The following SMAD5 variants were observed in gnomAD, a reference collection of about 807,000 sequenced individuals.
The protein encoded by SMAD5 is SMAD family member 5, also known as MAD, mothers against decapentaplegic homolog 5.
In SMAD5, 9 loss-of-function variants were observed where a neutral mutation model predicts 43.1. That is an observed-to-expected ratio of 0.21 (90% CI 0.13 to 0.36). The LOEUF (loss-of-function observed/expected upper bound fraction) is 0.36. Among genes scored for constraint, SMAD5 ranks in the 10% least tolerant of loss-of-function variants. The pLI, the probability that SMAD5 is intolerant of heterozygous loss-of-function variation, is 1.00. For missense variants in SMAD5, 348 were observed against 574.0 expected (o/e 0.61, Z 4.02); for synonymous variants, 190 against 192.4 (o/e 0.99, Z 0.10).
Position 136,160,864 on chromosome 5 carries a change from C to G in SMAD5, c.412C>G (p.Pro138Ala), listed in dbSNP as rs1465348620. 6 of 1,613,600 alleles carry G rather than the reference C, an allele frequency of 3.7e-6. No individual in the cohort carries two copies. The highest frequency in any genetic ancestry group is 5.1e-6 in the Non-Finnish European group (6 of 1,179,714). The change falls in exon 4 of 8, where the codon CCA (proline) becomes GCA (alanine). Residue 138 changes from proline (P) to alanine (A), a missense_variant. Coordinates refer to ENST00000545279, the MANE Select transcript of SMAD5 (RefSeq NM_005903.7). ...TGATTTTTGTTTTTCAGTCTTACCT[C>G]CAGTATTAGTGCCTCGTCATAATGA... ...YKRVESPVLP[P>A]VLVPRHNEFN...
intron 3 of SMAD5, among the ~76,000 whole-genome samples, chr5:136,155,417 C>T (rs1753602709): frequency 6.6e-6 from 1 of 152,222 alleles, no homozygotes; most frequent in Admixed American, 6.5e-5. Flanking sequence ...ACATCATCAT[C>T]ATCACTCACC....
chr5:136,158,171 C>A (rs13179769), intron 3 of SMAD5, among the ~76,000 whole-genome samples: 54,714 of 151,736 alleles, frequency 0.36, 10,837 homozygotes, highest in African/African-American at 0.54. Flanking sequence ...ATATCAAACA[C>A]TTCCCCAAAC....
At chr5:136,162,682 T>C (rs1404630260) in intron 4 of SMAD5, among the ~76,000 whole-genome samples, 1 of 152,234 alleles carries the variant, frequency 6.6e-6, no homozygotes, top group Non-Finnish European at 1.5e-5. Context: ...ACTATGAGTG[T>C]TGAAACTCAA....
intron 5 of SMAD5, among the ~76,000 whole-genome samples, chr5:136,171,734 C>A (rs749924204): frequency 8.5e-5 from 13 of 152,120 alleles, no homozygotes; most frequent in Non-Finnish European, 1.8e-4. Flanking sequence ...GGGTTTACAA[C>A]ATTAGAGTTG....
intron 2 of SMAD5, among the ~76,000 whole-genome samples, chr5:136,148,572 T>A (rs1292571331): frequency 1.3e-5 from 2 of 151,834 alleles, no homozygotes; most frequent in African/African-American, 2.4e-5. Context: ...CCCATGGGTC[T>A]TGGGGACAAA....
At chr5:136,137,850 C>G (rs1322373059) in intron 1 of SMAD5, among the ~76,000 whole-genome samples, 1 of 152,160 alleles carries the variant, frequency 6.6e-6, no homozygotes, top group African/African-American at 2.4e-5. Flanking sequence ...GGAACTTGAA[C>G]TCTGGGTGCA....
rs115703048 is a variant in SMAD5 at position 136,161,312 on chromosome 5, C to T, written c.655+205C>T. 1.5e-3 allele frequency among the ~76,000 whole-genome samples: 227 copies of T among 152,108 alleles called. 3 individuals are homozygous for T. The highest frequency in any genetic ancestry group is 5.2e-3 in the African/African-American group (216 of 41,440). On this transcript the variant is annotated intron_variant, in intron 4 of 7. Coordinates refer to ENST00000545279, the MANE Select transcript of SMAD5 (RefSeq NM_005903.7). Reference sequence around the variant, plus strand: ...CGTATGTTTAAAAAATGGAAGTAGCCCTATTTGACTTAAATATTTTCTTCT... The same window carrying T: ...CGTATGTTTAAAAAATGGAAGTAGCTCTATTTGACTTAAATATTTTCTTCT...
At chr5:136,170,414 C>T (rs1044722359) in intron 5 of SMAD5, among the ~76,000 whole-genome samples, 5 of 151,964 alleles carry the variant, frequency 3.3e-5, no homozygotes, top group African/African-American at 9.7e-5. Context: ...GGGTCTATTT[C>T]TAAACTCTAT....
chr5:136,132,988 G>A (rs746586924), intron 1 of SMAD5, 26 bp downstream of exon 1: 5 of 152,372 alleles, frequency 3.3e-5, no homozygotes, highest in African/African-American at 4.8e-5. Flanking sequence ...CGGCGCGCGC[G>A]GGCGAGGGGA....
At chr5:136,161,132 A>C in intron 4 of SMAD5, 25 bp downstream of exon 4, 1 of 499,732 alleles carries the variant, frequency 2.0e-6, no homozygotes, top group East Asian at 6.3e-5. Flanking sequence ...TATTGATACC[A>C]AAAAAAAAAA....
At position 136,182,339 on chromosome 5, in the gene SMAD5, A is replaced by T. The variant is rs1237673419; in HGVS notation, c.*4859A>T. ...GTATTTTAACTATAGGAACTCTAGA[A>T]GATAATGGTTAGGCAAGTGATTTTT... On this transcript the variant is annotated 3_prime_UTR_variant, in exon 8 of 8. Coordinates refer to ENST00000545279, the MANE Select transcript of SMAD5 (RefSeq NM_005903.7). 1 of 152,200 alleles carries T rather than the reference A, an allele frequency of 6.6e-6. No homozygotes were observed. Among genetic ancestry groups the T allele is most frequent in the Non-Finnish European group, 1.5e-5 (1 of 68,034 alleles). 9.4% of individuals were successfully genotyped at this position (152,200 alleles called of 1,614,324 possible).
At chr5:136,149,724 T>C (rs1753386411) in intron 2 of SMAD5, among the ~76,000 whole-genome samples, 1 of 151,942 alleles carries the variant, frequency 6.6e-6, no homozygotes, top group South Asian at 2.1e-4. Context: ...TAACAAGTAC[T>C]CGGGTAGCTT....
chr5:136,154,476 T>G (rs2149769082), intron 3 of SMAD5, among the ~76,000 whole-genome samples: 1 of 152,278 alleles, frequency 6.6e-6, no homozygotes, highest in African/African-American at 2.4e-5. Flanking sequence ...ATCCCATTCC[T>G]TTTTGTCAAA....
At position 136,165,673 on chromosome 5, in the gene SMAD5, T is replaced by A. The variant is rs1345302611; in HGVS notation, c.775+2282T>A. ...AATGGAATCATACAATTTTTTTTTT[T>A]TTTTTTTTTTTTTTTTTTTTTTTTT... On this transcript the variant is annotated intron_variant, in intron 5 of 7. Coordinates refer to ENST00000545279, the MANE Select transcript of SMAD5 (RefSeq NM_005903.7). Among the ~76,000 whole-genome samples the A allele has an allele frequency of 8.6e-3, 557 of 64,724 alleles. 60 individuals carry two copies. The highest frequency in any genetic ancestry group is 0.046 in the African/African-American group (470 of 10,224). 42.5% of individuals were successfully genotyped at this position (64,724 alleles called of 152,430 possible). A position where few individuals can be genotyped will look rare whatever the true frequency, so the allele number is the denominator to read the frequency against.
At chr5:136,173,782 A>C (rs951236475) in intron 6 of SMAD5, among the ~76,000 whole-genome samples, 1 of 151,648 alleles carries the variant, frequency 6.6e-6, no homozygotes, top group Non-Finnish European at 1.5e-5. Flanking sequence ...TTAATGTTAA[A>C]ACTATTTCCA....
intron 4 of SMAD5, among the ~76,000 whole-genome samples, chr5:136,162,709 A>G (rs1753865039): frequency 6.6e-6 from 1 of 152,188 alleles, no homozygotes. Context: ...TCTAGTTAAC[A>G]TTTAGTTTCC....
chr5:136,167,682 G>A (rs1018439943), intron 5 of SMAD5, among the ~76,000 whole-genome samples: 2 of 151,488 alleles, frequency 1.3e-5, no homozygotes, highest in African/African-American at 4.9e-5. Context: ...GGAGGCTGAG[G>A]CTGGAGAATC....
chr5:136,174,706 A>G lies in SMAD5; in HGVS notation c.1254+74A>G. 2.9e-6 allele frequency: 3 copies of G among 1,042,770 alleles called. No individual in the cohort carries two copies. In the South Asian group the frequency reaches 4.9e-5, roughly 17 times the overall value. The allele number at this position is 1,042,770 out of a possible 1,614,324, so 64.6% of individuals were successfully genotyped here. Reference sequence around the variant, plus strand: ...TATGACTTTAGGTTATAATTTTTAAAAATTGTTAAATGAAAGTTGATAATT... The same window carrying G: ...TATGACTTTAGGTTATAATTTTTAAGAATTGTTAAATGAAAGTTGATAATT... On this transcript the variant is annotated intron_variant, in intron 7 of 7. Coordinates refer to ENST00000545279, the MANE Select transcript of SMAD5 (RefSeq NM_005903.7).
chr5:136,144,789 T>C (rs2149762556), intron 1 of SMAD5, among the ~76,000 whole-genome samples: 1 of 151,972 alleles, frequency 6.6e-6, no homozygotes, highest in African/African-American at 2.4e-5. Context: ...CTTGACTTAC[T>C]AGAGAACTCA....
Sources: gnomAD v4.1 joint callset for allele counts (sites outside exome capture counted in the v4.1 genomes callset) on GRCh38, gnomAD v4.1.1 for gene constraint, MANE v1.5 for transcripts, NCBI Gene and HGNC (gene_info 2026-07-23, HGNC 2026-07-21) for gene names.